The following RALGDS variants were observed in gnomAD, a reference collection of about 807,000 sequenced individuals.
RALGDS encodes ral guanine nucleotide exchange factor.
RALGDS carries 44 observed loss-of-function variants against 99.8 expected under a neutral mutation model. That is an observed-to-expected ratio of 0.44 (90% CI 0.35 to 0.57). RALGDS has a LOEUF of 0.57. Ranked by LOEUF, RALGDS falls within the 20% of genes least tolerant of loss-of-function variation. The pLI is 0.01. For synonymous variants in RALGDS, 529 were observed against 505.0 expected, an observed-to-expected ratio of 1.05 and a Z score of -0.64; for missense variants, 1,022 against 1,203.1, an observed-to-expected ratio of 0.85 and a Z score of 2.23.
At chr9:133,100,183 T>C in intron 17 of RALGDS, 85 bp downstream of exon 17, 1 of 1,254,598 alleles carries the variant, frequency 8.0e-7, no homozygotes, top group South Asian at 1.2e-5. Flanking sequence ...TGGTGAATTT[T>C]CTGGGGCCAA....
chr9:133,123,527 C>T (rs1180720280), upstream of RALGDS, among the ~76,000 whole-genome samples: 1 of 152,192 alleles, frequency 6.6e-6, no homozygotes, highest in East Asian at 1.9e-4. Flanking sequence ...ATATCATCTA[C>T]AGGAGCCAGG....
At chr9:133,135,147 C>T (rs932083522), upstream of RALGDS, among the ~76,000 whole-genome samples, 11 of 152,244 alleles carry the variant, frequency 7.2e-5, no homozygotes, top group East Asian at 1.7e-3. Flanking sequence ...GCTACACACC[C>T]CAGTGGGGAG....
At chr9:133,133,245 T>C (rs1832374182), upstream of RALGDS, among the ~76,000 whole-genome samples, 1 of 152,208 alleles carries the variant, frequency 6.6e-6, no homozygotes, top group Admixed American at 6.5e-5. Flanking sequence ...TGGGCAGGGC[T>C]ACCCGGGGCA....
In RALGDS at chr9:133,146,920, C is replaced by T. The variant is rs553772576; in HGVS notation, c.18+2043G>A. ...GAGAATGGCCTGGGGGCGGGTCCTG[C>T]CCAGTCCAGCCATGGATGAGACCCC... On this transcript the variant is annotated intron_variant, in intron 1 of 17. Transcript: ENST00000393160. 2.6e-5 allele frequency among the ~76,000 whole-genome samples: 4 copies of T among 152,336 alleles called. No individual in the cohort carries two copies. The South Asian group carries it at 8.3e-4, about 32-fold the overall frequency.
intron 8 of RALGDS, 150 bp downstream of exon 8, chr9:133,106,495 C>T (rs1346890768): frequency 1.4e-5 from 9 of 630,436 alleles, no homozygotes; most frequent in Admixed American, 7.0e-5. Context: ...CTTAGGAAGC[C>T]GAGCTCTGAG....
chr9:133,110,894 C>T (rs1831306502), intron 2 of RALGDS, among the ~76,000 whole-genome samples: 1 of 152,148 alleles, frequency 6.6e-6, no homozygotes, highest in Non-Finnish European at 1.5e-5. Flanking sequence ...CCAGCCTGGG[C>T]AACATGGCAA....
intron 8 of RALGDS, among the ~76,000 whole-genome samples, chr9:133,106,260 T>C (rs1035843746): frequency 6.6e-6 from 1 of 151,844 alleles, no homozygotes; most frequent in African/African-American, 2.4e-5. Context: ...TTGGAGACAG[T>C]TTCAGTCACC....
chr9:133,107,994 C>T lies in RALGDS; in HGVS notation c.1191G>A (p.Met397Ile). 6.2e-7 allele frequency: 1 copy of T among 1,613,200 alleles called. No homozygotes were observed. Among genetic ancestry groups the T allele is most frequent in the South Asian group, 1.1e-5 (1 of 91,088 alleles). The change falls in exon 6 of 18, where the codon ATG becomes ATA. Residue 397 changes from methionine (M) to isoleucine (I), a missense_variant. Transcript: ENST00000372050. ...GCCAAGCTGAGCTGCTCACCGCATCCATCAGTGTAAACTGCTCTGCCACCA... is the reference window on the plus strand; with the variant it reads ...GCCAAGCTGAGCTGCTCACCGCATCTATCAGTGTAAACTGCTCTGCCACCA... Reference protein sequence around the residue: ...PDLVAEQFTLMDAELFKKVVP... With the variant: ...PDLVAEQFTLIDAELFKKVVP...
At chr9:133,148,829 G>A in intron 1 of RALGDS, 1 of 1,103,172 alleles carries the variant, frequency 9.1e-7, no homozygotes. Context: ...CCCGGGCGGG[G>A]TTGGACGCGG....
In RALGDS at chr9:133,108,053, CCTCA is replaced by C; in HGVS notation, c.1128_1131del (p.Ser376ArgfsTer20). The C allele has an allele frequency of 6.2e-7, 1 of 1,613,620 alleles. No homozygotes were observed. The highest frequency in any genetic ancestry group is 8.5e-7 in the Non-Finnish European group (1 of 1,180,044). On this transcript the variant is annotated frameshift_variant, in exon 6 of 18. Coordinates refer to ENST00000372050, the MANE Select transcript of RALGDS (RefSeq NM_006266.4). LOFTEE classifies it high-confidence loss of function. ...GGGAACACCAAGAGGTGAGGCTTCT[CCTCA>C]CTCAGCCCGTTCTCTGCAACCACAG...
In RALGDS at chr9:133,112,167, C is replaced by A; in HGVS notation, c.184-15G>T. ...TGCGTGGAGCTCTGTGAAGACAACG[C>A]CCGGCAGCCGGGCGCGGGGACGTCA... On this transcript the variant is annotated splice_polypyrimidine_tract_variant and intron_variant, in intron 1 of 17. Coordinates refer to ENST00000372050, the MANE Select transcript of RALGDS (RefSeq NM_006266.4). 3 of 1,546,234 alleles carry A rather than the reference C, an allele frequency of 1.9e-6. No homozygotes were observed. Among genetic ancestry groups the A allele is most frequent in the Non-Finnish European group, 2.6e-6 (3 of 1,142,232 alleles).
upstream of RALGDS, among the ~76,000 whole-genome samples, chr9:133,122,512 G>A (rs1391552818): frequency 6.6e-6 from 1 of 152,158 alleles, no homozygotes; most frequent in African/African-American, 2.4e-5. Flanking sequence ...AGACACCCAC[G>A]AAACACTTCC....
intron 10 of RALGDS, among the ~76,000 whole-genome samples, 183 bp downstream of exon 10, chr9:133,104,080 G>C (rs1485251088): frequency 1.3e-5 from 2 of 152,196 alleles, no homozygotes; most frequent in African/African-American, 4.8e-5. Context: ...GCTCTGCCAG[G>C]CCTGTCCTTT....
intron 1 of RALGDS, among the ~76,000 whole-genome samples, chr9:133,147,291 C>T (rs984843660): frequency 3.3e-5 from 5 of 152,220 alleles, no homozygotes; most frequent in African/African-American, 4.8e-5. Context: ...CTCTCAGATC[C>T]CCACCCAGCA....
In RALGDS at chr9:133,098,796, G is replaced by C. The variant is rs774834956; in HGVS notation, c.2570-34C>G. On this transcript the variant is annotated intron_variant, in intron 17 of 17. Coordinates refer to ENST00000372050, the MANE Select transcript of RALGDS (RefSeq NM_006266.4). ...GAGGGGCAGAGGGGTGATCAGGGAT[G>C]CTCCTGGGGGCCCTGCAGGATACCC... 7.3e-5 allele frequency: 118 copies of C among 1,606,448 alleles called. No homozygotes were observed. The South Asian group carries it at 1.2e-3, about 17-fold the overall frequency.
chr9:133,143,117 A>G (rs983908771), intron 1 of RALGDS, among the ~76,000 whole-genome samples: 1 of 152,242 alleles, frequency 6.6e-6, no homozygotes, highest in Non-Finnish European at 1.5e-5. Flanking sequence ...AGCAGGGGAC[A>G]GAGGGAAGGA....
chr9:133,127,844 G>T (rs530230508), intron 1 of RALGDS, among the ~76,000 whole-genome samples: 1 of 152,234 alleles, frequency 6.6e-6, no homozygotes, highest in African/African-American at 2.4e-5. Context: ...TGGCAGATGT[G>T]ACAGCAACCC....
intron 8 of RALGDS, 57 bp from the exon 9 acceptor site, chr9:133,106,073 G>A: frequency 7.4e-7 from 1 of 1,360,140 alleles, no homozygotes; most frequent in Non-Finnish European, 1.0e-6. Flanking sequence ...AGGGGTGTGA[G>A]TGCAAATCCG....
chr9:133,120,964 T>C lies in RALGDS; in HGVS notation c.183+8A>G. ...GCACCCCCCGCCCGACCGCCCCAGCTCACCCACCTCCGGGCGCGGCAGGTC... is the reference window on the plus strand; with the variant it reads ...GCACCCCCCGCCCGACCGCCCCAGCCCACCCACCTCCGGGCGCGGCAGGTC... On this transcript the variant is annotated splice_region_variant and intron_variant, in intron 1 of 17. Coordinates refer to ENST00000372050, the MANE Select transcript of RALGDS (RefSeq NM_006266.4). 6.8e-7 allele frequency: 1 copy of C among 1,481,096 alleles called. No homozygotes were observed. 91.7% of individuals were successfully genotyped at this position (1,481,096 alleles called of 1,614,324 possible). A position where few individuals can be genotyped will look rare whatever the true frequency, so the allele number is the denominator to read the frequency against.
Sources: gnomAD v4.1 joint callset for allele counts (sites outside exome capture counted in the v4.1 genomes callset) on GRCh38, gnomAD v4.1.1 for gene constraint, MANE v1.5 for transcripts, NCBI Gene and HGNC (gene_info 2026-07-23, HGNC 2026-07-21) for gene names.